Variants in GNAZ observed in about 807,000 individuals in gnomAD.
GNAZ encodes the protein G protein subunit alpha z, also known as guanine nucleotide-binding protein G(z) subunit alpha.
A neutral mutation model predicts 25.4 loss-of-function variants in GNAZ; 3 were observed. The ratio of observed to expected loss-of-function variants is 0.12; its 90% CI spans 0.05 to 0.30. The LOEUF (loss-of-function observed/expected upper bound fraction) is 0.30, where lower values mean the gene tolerates loss of function less well. GNAZ is among the 10% of genes least tolerant of loss of function. The pLI is 1.00. For synonymous variants in GNAZ, 211 were observed against 205.7 expected, an observed-to-expected ratio of 1.03 and a Z score of -0.22; for missense variants, 241 against 501.8, an observed-to-expected ratio of 0.48 and a Z score of 4.97.
intron 2 of GNAZ, among the ~76,000 whole-genome samples, chr22:23,121,865 G>T (rs981360543): frequency 1.4e-4 from 22 of 152,012 alleles, no homozygotes; most frequent in African/African-American, 5.3e-4. Flanking sequence ...GGGATTACAG[G>T]TGTCTGCCAC....
intron 2 of GNAZ, among the ~76,000 whole-genome samples, chr22:23,098,348 C>T (rs1471680339): frequency 6.6e-6 from 1 of 152,264 alleles, no homozygotes; most frequent in Non-Finnish European, 1.5e-5. Flanking sequence ...CCTGCTTACT[C>T]CTCCATCTAG....
At chr22:23,099,243 G>A (rs898346269) in intron 2 of GNAZ, among the ~76,000 whole-genome samples, 1 of 152,280 alleles carries the variant, frequency 6.6e-6, no homozygotes, top group Non-Finnish European at 1.5e-5. Flanking sequence ...TGAGTGCAGG[G>A]CAGCACCTCA....
intron 1 of GNAZ, among the ~76,000 whole-genome samples, chr22:23,089,193 A>G (rs8136097): frequency 6.6e-6 from 1 of 152,202 alleles, no homozygotes; most frequent in Non-Finnish European, 1.5e-5. Context: ...CTATAAGCTG[A>G]TAAGTCTTCC....
chr22:23,077,677 C>T (rs951348336), intron 1 of GNAZ, among the ~76,000 whole-genome samples: 2 of 152,156 alleles, frequency 1.3e-5, no homozygotes, highest in East Asian at 1.9e-4. Flanking sequence ...TTGTGGGGCC[C>T]GGTGGTCCTG....
At chr22:23,112,370 A>G (rs1000419684) in intron 2 of GNAZ, among the ~76,000 whole-genome samples, 1 of 152,072 alleles carries the variant, frequency 6.6e-6, no homozygotes, top group Non-Finnish European at 1.5e-5. Context: ...TTTGCCTCCC[A>G]AGACCGTGGG....
chr22:23,078,960 C>T (rs947236340), intron 1 of GNAZ, among the ~76,000 whole-genome samples: 4 of 152,168 alleles, frequency 2.6e-5, no homozygotes, highest in African/African-American at 7.2e-5. Flanking sequence ...CGGGCCTTTC[C>T]AGAAGACCTC....
intron 2 of GNAZ, among the ~76,000 whole-genome samples, chr22:23,114,537 T>C (rs1216339378): frequency 2.0e-5 from 3 of 152,172 alleles, no homozygotes; most frequent in African/African-American, 7.2e-5. Context: ...CCTGCATTCC[T>C]GTGGTGTGTC....
chr22:23,073,641 T>C (rs1192502756), intron 1 of GNAZ, among the ~76,000 whole-genome samples: 1 of 152,178 alleles, frequency 6.6e-6, no homozygotes, highest in Non-Finnish European at 1.5e-5. Context: ...CTTCACAGGA[T>C]TGAACCAACA....
intron 2 of GNAZ, among the ~76,000 whole-genome samples, chr22:23,104,513 C>T (rs1231617866): frequency 1.3e-5 from 2 of 152,224 alleles, no homozygotes; most frequent in African/African-American, 2.4e-5. Flanking sequence ...TAATTAATTT[C>T]CTGAGCGCAT....
Position 23,096,252 on chromosome 22 carries a change from T to C in GNAZ, c.557T>C (p.Val186Ala). The stretch of plus-strand genomic sequence containing the variant: ...TCCCGGGACATGACCACGGGCATTG[T>C]GGAGAACAAGTTCACCTTCAAGGAG... ...LRSRDMTTGI[V>A]ENKFTFKELT... Residue 186 changes from valine (V) to alanine (A), a missense_variant, in exon 2 of 3, where the codon GTG (valine) becomes GCG (alanine). Physicochemically the swap from Val to Ala is moderately conservative, Grantham distance 64. Coordinates refer to ENST00000615612, the MANE Select transcript of GNAZ (RefSeq NM_002073.4). 1.2e-6 allele frequency: 2 copies of C among 1,614,026 alleles called. No individual in the cohort carries two copies. Among genetic ancestry groups the C allele is most frequent in the Non-Finnish European group, 1.7e-6 (2 of 1,180,034 alleles).
chr22:23,094,145 A>G (rs995459192), intron 1 of GNAZ, among the ~76,000 whole-genome samples: 15 of 152,112 alleles, frequency 9.9e-5, no homozygotes, highest in Non-Finnish European at 2.9e-5. Context: ...GGGTGGTATT[A>G]AAGGGGCGAA....
At position 23,096,022 on chromosome 22, in the gene GNAZ, G is replaced by T; in HGVS notation, c.327G>T (p.Ala109=). The T allele has an allele frequency of 6.2e-7, 1 of 1,607,136 alleles. No homozygotes were observed. Among genetic ancestry groups the T allele is most frequent in the Non-Finnish European group, 8.5e-7 (1 of 1,179,964 alleles). The part of the protein sequence containing the change: ...DRAYDAVQLF[A]LTGPAESKGE... ...CCTACGACGCTGTGCAGCTCTTTGC[G>T]CTGACGGGCCCCGCTGAGAGCAAGG... Residue 109 remains alanine (A), a synonymous_variant, in exon 2 of 3, where the codon GCG becomes GCT. Coordinates refer to ENST00000615612, the MANE Select transcript of GNAZ (RefSeq NM_002073.4).
At chr22:23,122,009 G>C (rs771738391) in intron 2 of GNAZ, among the ~76,000 whole-genome samples, 2 of 152,214 alleles carry the variant, frequency 1.3e-5, no homozygotes, top group Non-Finnish European at 2.9e-5. Flanking sequence ...GGGATTACAG[G>C]TGTGAGCCAC....
chr22:23,091,276 G>A (rs1458591694), intron 1 of GNAZ, among the ~76,000 whole-genome samples: 2 of 152,140 alleles, frequency 1.3e-5, no homozygotes, highest in African/African-American at 4.8e-5. Context: ...CCATGCACCT[G>A]CACTCTCACA....
At chr22:23,076,642 C>T (rs1447201572) in intron 1 of GNAZ, among the ~76,000 whole-genome samples, 1 of 152,234 alleles carries the variant, frequency 6.6e-6, no homozygotes, top group African/African-American at 2.4e-5. Context: ...CCGGGCCACT[C>T]AGTGATGCAA....
At chr22:23,076,953 G>A (rs999611440) in intron 1 of GNAZ, among the ~76,000 whole-genome samples, 3 of 152,222 alleles carry the variant, frequency 2.0e-5, no homozygotes, top group Non-Finnish European at 2.9e-5. Flanking sequence ...TTGCCTTTGA[G>A]TTGGAAGCTC....
At chr22:23,086,405 C>A (rs2068821899) in intron 1 of GNAZ, among the ~76,000 whole-genome samples, 1 of 152,260 alleles carries the variant, frequency 6.6e-6, no homozygotes, top group African/African-American at 2.4e-5. Flanking sequence ...AAGCACTCGG[C>A]CCAGCAGTGG....
chr22:23,082,900 C>G (rs1360545267), intron 1 of GNAZ, among the ~76,000 whole-genome samples: 2 of 152,102 alleles, frequency 1.3e-5, no homozygotes, highest in Non-Finnish European at 2.9e-5. Context: ...AGTGTCTTCC[C>G]CCCAAACCTT....
chr22:23,076,487 G>A (rs2068510334), intron 1 of GNAZ, among the ~76,000 whole-genome samples: 1 of 152,114 alleles, frequency 6.6e-6, no homozygotes, highest in Non-Finnish European at 1.5e-5. Context: ...GTACCTTTGG[G>A]TCCCCAGAGA....
Sources: allele counts gnomAD v4.1 joint callset (sites outside exome capture counted in the v4.1 genomes callset), GRCh38; gene constraint gnomAD v4.1.1; transcripts MANE v1.5; gene names NCBI Gene and HGNC (gene_info 2026-07-23, HGNC 2026-07-21).